The following LIN28B variants were observed in gnomAD, a reference collection of about 807,000 sequenced individuals.
LIN28B encodes lin-28 RNA binding posttranscriptional regulator B.
Under a neutral mutation model 21.9 loss-of-function variants are expected in LIN28B, and 5 were observed. The observed-to-expected ratio is 0.23, with a 90% confidence interval of 0.12 to 0.48. The LOEUF is 0.48. Ranked by LOEUF, LIN28B falls within the 20% of genes least tolerant of loss-of-function variation. The pLI, the probability that LIN28B is intolerant of heterozygous loss-of-function variation, is 0.98. For missense variants in LIN28B, 245 were observed against 310.5 expected (o/e 0.79, Z 1.58); for synonymous variants, 109 against 111.3 (o/e 0.98, Z 0.13).
intron 2 of LIN28B, among the ~76,000 whole-genome samples, chr6:104,997,803 G>A (rs1239741047): frequency 6.6e-6 from 1 of 152,092 alleles, no homozygotes; most frequent in Non-Finnish European, 1.5e-5. Flanking sequence ...GACACTTCCG[G>A]GTTTATATGC....
At chr6:105,050,756 G>C (rs958162934) in intron 3 of LIN28B, among the ~76,000 whole-genome samples, 1 of 149,656 alleles carries the variant, frequency 6.7e-6, no homozygotes, top group African/African-American at 2.5e-5. Context: ...GTATATTTTT[G>C]TATTATCAGG....
chr6:104,940,680 C>T (rs1388375254), intron 2 of LIN28B, among the ~76,000 whole-genome samples: 1 of 150,490 alleles, frequency 6.6e-6, no homozygotes. Context: ...GCCGCCGCCG[C>T]GCCCCGCGCT....
chr6:104,994,030 A>G (rs1770548473), intron 2 of LIN28B, among the ~76,000 whole-genome samples: 1 of 152,030 alleles, frequency 6.6e-6, no homozygotes, highest in African/African-American at 2.4e-5. Context: ...TTTGAGACGG[A>G]GTCTCCTTCT....
At chr6:105,007,782 G>T in intron 2 of LIN28B, among the ~76,000 whole-genome samples, 1 of 151,504 alleles carries the variant, frequency 6.6e-6, no homozygotes, top group Non-Finnish European at 1.5e-5. Context: ...GAGCCAAGAT[G>T]CCTGGCCCCT....
intron 3 of LIN28B, among the ~76,000 whole-genome samples, chr6:105,060,049 A>C (rs868552157): frequency 6.6e-6 from 1 of 151,854 alleles, no homozygotes; most frequent in South Asian, 2.1e-4. Flanking sequence ...GATTACAGAC[A>C]TGCACCACCA....
intron 2 of LIN28B, among the ~76,000 whole-genome samples, chr6:104,942,421 C>T (rs1442541579): frequency 1.3e-5 from 2 of 152,106 alleles, no homozygotes; most frequent in South Asian, 2.1e-4. Flanking sequence ...TAAAACATCA[C>T]AGTTTTATGA....
At chr6:105,034,860 A>G (rs1480579326) in intron 3 of LIN28B, among the ~76,000 whole-genome samples, 4 of 152,084 alleles carry the variant, frequency 2.6e-5, no homozygotes, top group Admixed American at 1.3e-4. Flanking sequence ...TGGGATTACG[A>G]GAATCAGTGT....
At chr6:104,951,150 G>A (rs1392726261) in intron 3 of LIN28B, among the ~76,000 whole-genome samples, 1 of 152,006 alleles carries the variant, frequency 6.6e-6, no homozygotes, top group Non-Finnish European at 1.5e-5. Flanking sequence ...AAAAGTTATA[G>A]CACCATTTTT....
intron 3 of LIN28B, among the ~76,000 whole-genome samples, chr6:105,071,872 T>C (rs1462414792): frequency 6.6e-6 from 1 of 152,170 alleles, no homozygotes; most frequent in Non-Finnish European, 1.5e-5. Flanking sequence ...AAACATATGA[T>C]TAAAGAGAAT....
intron 2 of LIN28B, among the ~76,000 whole-genome samples, chr6:105,006,310 GT>G (rs1770814698): frequency 6.6e-6 from 1 of 151,914 alleles, no homozygotes; most frequent in Non-Finnish European, 1.5e-5. Context: ...GTTCTGTTTT[GT>G]TTTGTTTTGT....
intron 2 of LIN28B, among the ~76,000 whole-genome samples, chr6:105,022,006 A>G (rs1771151843): frequency 6.6e-6 from 1 of 152,168 alleles, no homozygotes; most frequent in African/African-American, 2.4e-5. Flanking sequence ...TTTTAGAGTA[A>G]TGGGAAATGA....
intron 3 of LIN28B, among the ~76,000 whole-genome samples, chr6:105,044,314 A>G (rs975270591): frequency 2.0e-5 from 3 of 152,048 alleles, no homozygotes; most frequent in African/African-American, 7.2e-5. Context: ...TTCTTCCGCT[A>G]GTTGTTTTAA....
chr6:105,006,520 C>T (rs1206537470), intron 2 of LIN28B, among the ~76,000 whole-genome samples: 4 of 152,178 alleles, frequency 2.6e-5, no homozygotes, highest in Non-Finnish European at 5.9e-5. Context: ...CCATGTTGGT[C>T]AGGCTGGTCT....
chr6:104,944,910 A>G (rs1778139157), intron 2 of LIN28B, among the ~76,000 whole-genome samples: 1 of 152,084 alleles, frequency 6.6e-6, no homozygotes, highest in Admixed American at 6.6e-5. Context: ...AAGCTTAATT[A>G]TATGGAAAAA....
At chr6:104,937,267 G>A (rs879621422) in intron 2 of LIN28B, among the ~76,000 whole-genome samples, 17 of 151,842 alleles carry the variant, frequency 1.1e-4, no homozygotes, top group Admixed American at 5.2e-4. Flanking sequence ...CCCAAAAGCC[G>A]CAACCGCGGG....
chr6:105,074,268 G>A (rs997221783), intron 3 of LIN28B, among the ~76,000 whole-genome samples: 20 of 152,082 alleles, frequency 1.3e-4, no homozygotes, highest in Non-Finnish European at 2.4e-4. Context: ...TGCAATCTCA[G>A]CTCACTGCAA....
At chr6:105,066,107 A>G (rs1279216325) in intron 3 of LIN28B, among the ~76,000 whole-genome samples, 1 of 152,234 alleles carries the variant, frequency 6.6e-6, no homozygotes, top group Non-Finnish European at 1.5e-5. Context: ...CAGGAGCTCT[A>G]GGCTGTAGTG....
intron 1 of LIN28B, 81 bp from the exon 2 acceptor site, chr6:104,958,012 CCCCAGG>C: frequency 9.9e-7 from 1 of 1,007,968 alleles, no homozygotes; most frequent in Non-Finnish European, 1.4e-6. Context: ...TCCCCCCCAA[CCCCAGG>C]CAGGCAATTT....
chr6:104,992,473 TTAAG>T (rs1179331791), intron 2 of LIN28B, among the ~76,000 whole-genome samples: 4 of 148,636 alleles, frequency 2.7e-5, no homozygotes, highest in Admixed American at 6.9e-5. Flanking sequence ...TGCTTTTGGA[TTAAG>T]TTTCTGTTGT....
Sources: allele counts gnomAD v4.1 joint callset (sites outside exome capture counted in the v4.1 genomes callset), GRCh38; gene constraint gnomAD v4.1.1; transcripts MANE v1.5; gene names NCBI Gene and HGNC (gene_info 2026-07-23, HGNC 2026-07-21).